NSL1: variants seen among roughly 807,000 people sequenced by gnomAD.
The protein encoded by NSL1 is kinetochore-associated protein NSL1 homolog.
In NSL1, 11 loss-of-function variants were observed where a neutral mutation model predicts 25.4. That is an observed-to-expected ratio of 0.43 (90% CI 0.27 to 0.72). NSL1 has a LOEUF of 0.72. Among genes scored for constraint, NSL1 ranks in the 30% least tolerant of loss-of-function variants. The probability of loss-of-function intolerance (pLI) is 0.19; values close to 1 mark genes in which losing one functional copy is unlikely to be tolerated. For missense variants in NSL1, 330 were observed against 342.7 expected (o/e 0.96, Z 0.29); for synonymous variants, 118 against 120.6 (o/e 0.98, Z 0.14).
intron 2 of NSL1, among the ~76,000 whole-genome samples, chr1:212,785,184 T>A (rs180909796): frequency 6.6e-6 from 1 of 152,282 alleles, no homozygotes. Context: ...AGATCTGAAA[T>A]AGGACTCAAC....
At position 212,728,283 on chromosome 1, in the gene NSL1, T is replaced by C; in HGVS notation, c.*10125A>G. 1 of 976,546 alleles carries C rather than the reference T, an allele frequency of 1.0e-6. No homozygotes were observed. Among genetic ancestry groups the C allele is most frequent in the Middle Eastern group, 5.3e-4 (1 of 1,902 alleles). 60.5% of individuals were successfully genotyped at this position (976,546 alleles called of 1,614,324 possible). A position where few individuals can be genotyped will look rare whatever the true frequency, so the allele number is the denominator to read the frequency against. ...ATAACATTATATATGTAAACATTTA[T>C]TTAAAGTATTTTTGTACAATTCCAG... On this transcript the variant is annotated 3_prime_UTR_variant, in exon 6 of 6. Transcript: ENST00000366977.
intron 4 of NSL1, among the ~76,000 whole-genome samples, chr1:212,767,900 T>C (rs1659895263): frequency 6.6e-6 from 1 of 152,154 alleles, no homozygotes; most frequent in South Asian, 2.1e-4. Flanking sequence ...AGAATGGCCA[T>C]AATTAAAAAG....
chr1:212,774,936 T>C (rs1660287226), intron 4 of NSL1, among the ~76,000 whole-genome samples: 1 of 152,212 alleles, frequency 6.6e-6, no homozygotes, highest in South Asian at 2.1e-4. Flanking sequence ...TTGAGTAAAA[T>C]GTCTGTACAT....
At chr1:212,774,852 A>G (rs1660281428) in intron 4 of NSL1, among the ~76,000 whole-genome samples, 1 of 152,230 alleles carries the variant, frequency 6.6e-6, no homozygotes, top group Non-Finnish European at 1.5e-5. Context: ...AACTGGAAAC[A>G]TATCCGTACA....
chr1:212,730,424 G>C lies in NSL1; in HGVS notation c.*7984C>G. 8 of 985,234 alleles carry C rather than the reference G, an allele frequency of 8.1e-6. No homozygotes were observed. Among genetic ancestry groups the C allele is most frequent in the Non-Finnish European group, 9.6e-6 (8 of 829,922 alleles). 61.0% of individuals were successfully genotyped at this position (985,234 alleles called of 1,614,324 possible). On this transcript the variant is annotated 3_prime_UTR_variant, in exon 6 of 6. Coordinates refer to ENST00000366977, the MANE Select transcript of NSL1 (RefSeq NM_015471.4). ...CAGAGCTACATGAATGGGCACCAAGGGAGGTCTTAAAATCTGCAACTAGGT... is the reference window on the plus strand; with the variant it reads ...CAGAGCTACATGAATGGGCACCAAGCGAGGTCTTAAAATCTGCAACTAGGT...
intron 4 of NSL1, among the ~76,000 whole-genome samples, chr1:212,778,497 T>C (rs1660488755): frequency 6.6e-6 from 1 of 152,208 alleles, no homozygotes; most frequent in Non-Finnish European, 1.5e-5. Context: ...GCAACCTCCC[T>C]GCCTGATTCT....
In NSL1 at chr1:212,787,606, C is replaced by A. The variant is rs765408395; in HGVS notation, c.266G>T (p.Ser89Ile). 6.2e-7 allele frequency: 1 copy of A among 1,607,258 alleles called. No individual in the cohort carries two copies. Among genetic ancestry groups the A allele is most frequent in the South Asian group, 1.1e-5 (1 of 89,600 alleles). Reference protein sequence around the residue: ...TFESAVQENISINGQAWQEAS... With the variant: ...TFESAVQENIIINGQAWQEAS... ...TTCCTGCCATGCTTGCCCATTAATG[C>A]TGATATTCTCTTGCACAGCTGATTC... The change falls in exon 2 of 6, where the codon AGC becomes ATC. Residue 89 changes from serine to isoleucine, a missense_variant. Ser to Ile is a moderately radical substitution (Grantham distance 142). Coordinates refer to ENST00000366977, the MANE Select transcript of NSL1 (RefSeq NM_015471.4).
intron 4 of NSL1, among the ~76,000 whole-genome samples, chr1:212,748,743 G>A (rs1159129176): frequency 6.6e-6 from 1 of 152,146 alleles, no homozygotes; most frequent in Non-Finnish European, 1.5e-5. Context: ...TGGGGTACTG[G>A]AAATGTTATA....
chr1:212,750,951 AT>A (rs1197024195), intron 4 of NSL1, among the ~76,000 whole-genome samples: 1 of 152,162 alleles, frequency 6.6e-6, no homozygotes, highest in Non-Finnish European at 1.5e-5. Context: ...ACGAAAAAAA[AT>A]AATAATAAAG....
rs760469254 is a variant in NSL1 at position 212,791,631 on chromosome 1, C to T, written c.133G>A (p.Ala45Thr). 1 of 1,613,832 alleles carries T rather than the reference C, an allele frequency of 6.2e-7. No homozygotes were observed. Among genetic ancestry groups the T allele is most frequent in the Admixed American group, 1.7e-5 (1 of 59,998 alleles). The change falls in exon 1 of 6, where the codon GCT (alanine) becomes ACT (threonine). Residue 45 changes from alanine (A) to threonine (T), a missense_variant. Ala to Thr is a moderately conservative substitution (Grantham distance 58). Coordinates refer to ENST00000366977, the MANE Select transcript of NSL1 (RefSeq NM_015471.4). ...DFRVRCTSKRAVTEMLQLCGR... is the reference protein window; with the variant it reads ...DFRVRCTSKRTVTEMLQLCGR... ...CACAGTTGTAGCATTTCGGTCACAG[C>T]CCGCTTCGAGGTGCAGCGCACCCGA... is the stretch of plus-strand genomic sequence containing the variant.
intron 4 of NSL1, among the ~76,000 whole-genome samples, chr1:212,771,967 TG>T (rs2102384166): frequency 6.6e-6 from 1 of 152,318 alleles, no homozygotes; most frequent in African/African-American, 2.4e-5. Context: ...AATTGAATCA[TG>T]GGGGCGGTTT....
rs1658334214 is a variant in NSL1 at position 212,738,456 on chromosome 1, C to G, written c.798G>C (p.Gln266His). 1 of 1,613,954 alleles carries G rather than the reference C, an allele frequency of 6.2e-7. No homozygotes were observed. The highest frequency in any genetic ancestry group is 1.7e-5 in the Admixed American group (1 of 59,980). The change falls in exon 6 of 6, where the codon CAG (glutamine) becomes CAC (histidine). Residue 266 changes from glutamine to histidine, a missense_variant. Physicochemically the swap from Gln to His is conservative, Grantham distance 24. Coordinates refer to ENST00000366977, the MANE Select transcript of NSL1 (RefSeq NM_015471.4). Reference protein sequence around the residue: ...LKRKQTKDCPQRKWYPLRPKK... With the variant: ...LKRKQTKDCPHRKWYPLRPKK... ...TTGGCCGCAATGGATACCATTTTCTCTGGGGGCAGTCTTTAGTTTGCTTTC... is the reference window on the plus strand; with the variant it reads ...TTGGCCGCAATGGATACCATTTTCTGTGGGGGCAGTCTTTAGTTTGCTTTC...
At chr1:212,756,335 G>T (rs1659307251) in intron 4 of NSL1, among the ~76,000 whole-genome samples, 1 of 152,104 alleles carries the variant, frequency 6.6e-6, no homozygotes, top group African/African-American at 2.4e-5. Context: ...GCCCTAGCTG[G>T]TCTCAAACTC....
intron 4 of NSL1, among the ~76,000 whole-genome samples, chr1:212,776,067 G>A (rs1028648764): frequency 2.0e-5 from 3 of 151,890 alleles, no homozygotes; most frequent in East Asian, 1.9e-4. Context: ...CGCCCACCTC[G>A]GCCTCCCAAA....
intron 4 of NSL1, among the ~76,000 whole-genome samples, chr1:212,753,849 C>T (rs1659176513): frequency 6.6e-6 from 1 of 152,172 alleles, no homozygotes; most frequent in Non-Finnish European, 1.5e-5. Flanking sequence ...AAACAGGTGT[C>T]ATGATAAACA....
rs184861344 is a variant in NSL1 at position 212,757,575 on chromosome 1, G to A, written c.500-17974C>T. On this transcript the variant is annotated intron_variant, in intron 4 of 5. Coordinates refer to ENST00000366977, the MANE Select transcript of NSL1 (RefSeq NM_015471.4). ...GCTTTCAATCATGATGGAAGCCAAA[G>A]GAGGAACGGTACATCCATGGCAAGA... 1.6e-3 allele frequency among the ~76,000 whole-genome samples: 245 copies of A among 152,300 alleles called. 1 individual carries two copies. The highest frequency in any genetic ancestry group is 4.7e-3 in the African/African-American group (197 of 41,562).
At chr1:212,779,343 C>A (rs1452196980) in intron 4 of NSL1, among the ~76,000 whole-genome samples, 2 of 140,764 alleles carry the variant, frequency 1.4e-5, no homozygotes, top group Non-Finnish European at 3.2e-5. Flanking sequence ...GGGGGGTCAG[C>A]CCCCCTCCCG....
At chr1:212,738,761 C>T in intron 5 of NSL1, 75 bp from the exon 6 acceptor site, 1 of 1,224,598 alleles carries the variant, frequency 8.2e-7, no homozygotes, top group Non-Finnish European at 1.1e-6. Context: ...GGATGCAGTA[C>T]TCTAATTTTT....
Position 212,737,681 on chromosome 1 carries a change from C to A in NSL1, c.*727G>T, listed in dbSNP as rs1399322884. 1.0e-6 allele frequency: 1 copy of A among 963,866 alleles called. No homozygotes were observed. The highest frequency in any genetic ancestry group is 1.8e-5 in the African/African-American group (1 of 56,678). 59.7% of individuals were successfully genotyped at this position (963,866 alleles called of 1,614,324 possible). A position where few individuals can be genotyped will look rare whatever the true frequency, so the allele number is the denominator to read the frequency against. Reference sequence around the variant, plus strand: ...ATTTGTAAAGAAATAAATAAGAAACCCTAAAAAGAAACCATTAGTTCCAAG... The same window carrying A: ...ATTTGTAAAGAAATAAATAAGAAACACTAAAAAGAAACCATTAGTTCCAAG... On this transcript the variant is annotated 3_prime_UTR_variant, in exon 6 of 6. Coordinates refer to ENST00000366977, the MANE Select transcript of NSL1 (RefSeq NM_015471.4).
Sources: gnomAD v4.1 joint callset for allele counts (sites outside exome capture counted in the v4.1 genomes callset) on GRCh38, gnomAD v4.1.1 for gene constraint, MANE v1.5 for transcripts, NCBI Gene and HGNC (gene_info 2026-07-23, HGNC 2026-07-21) for gene names.